LUZP2: variants seen among roughly 807,000 people sequenced by gnomAD.
LUZP2 encodes leucine zipper protein 2.
A neutral mutation model predicts 51.6 loss-of-function variants in LUZP2; 52 were observed. The observed-to-expected ratio is 1.01, with a 90% CI of 0.81 to 1.27. The LOEUF (loss-of-function observed/expected upper bound fraction) is 1.27, where lower values mean the gene tolerates loss of function less well. Among genes scored for constraint, LUZP2 ranks in the 50% most tolerant of loss-of-function variants. The probability of loss-of-function intolerance (pLI) is 0.00; values close to 1 mark genes in which losing one functional copy is unlikely to be tolerated. For synonymous variants in LUZP2, 154 were observed against 137.3 expected, an observed-to-expected ratio of 1.12 and a Z score of -0.85; for missense variants, 436 against 395.4, an observed-to-expected ratio of 1.10 and a Z score of -0.87.
At chr11:24,840,762 C>G (rs7946011) in intron 5 of LUZP2, among the ~76,000 whole-genome samples, 12 of 151,934 alleles carry the variant, frequency 7.9e-5, no homozygotes, top group African/African-American at 2.9e-4. Flanking sequence ...GAAAGCATGT[C>G]TCCATATTTA....
intron 7 of LUZP2, among the ~76,000 whole-genome samples, chr11:24,973,866 T>A (rs1331035813): frequency 6.6e-6 from 1 of 151,022 alleles, no homozygotes; most frequent in Non-Finnish European, 1.5e-5. Flanking sequence ...TGTGATCAAT[T>A]TTAGAGTAAG....
chr11:24,752,700 A>G (rs1043076475), intron 4 of LUZP2, among the ~76,000 whole-genome samples: 3 of 152,024 alleles, frequency 2.0e-5, no homozygotes, highest in Admixed American at 1.3e-4. Flanking sequence ...AACTCAATGC[A>G]GAAAAACTTG....
chr11:24,796,978 G>C (rs941100497), intron 5 of LUZP2, among the ~76,000 whole-genome samples: 2 of 152,054 alleles, frequency 1.3e-5, no homozygotes, highest in Non-Finnish European at 2.9e-5. Flanking sequence ...AGGGGTTCAG[G>C]CTTTCCAGTC....
intron 6 of LUZP2, among the ~76,000 whole-genome samples, chr11:24,908,762 T>C (rs1237923508): frequency 2.0e-5 from 3 of 149,300 alleles, no homozygotes; most frequent in Admixed American, 6.6e-5. Flanking sequence ...TTTTTTCTTT[T>C]TTTTTTTTTT....
chr11:24,847,998 A>G (rs566677804), intron 5 of LUZP2, among the ~76,000 whole-genome samples: 2 of 152,154 alleles, frequency 1.3e-5, no homozygotes, highest in Non-Finnish European at 2.9e-5. Flanking sequence ...ACATAGAATC[A>G]TTTAAGATCA....
chr11:24,887,701 C>T (rs1256948521), intron 5 of LUZP2, among the ~76,000 whole-genome samples: 3 of 152,298 alleles, frequency 2.0e-5, no homozygotes, highest in Non-Finnish European at 2.9e-5. Context: ...GAATTCGCTA[C>T]CTTCTAACTC....
At chr11:24,773,451 A>G (rs1330588972) in intron 5 of LUZP2, among the ~76,000 whole-genome samples, 3 of 152,186 alleles carry the variant, frequency 2.0e-5, no homozygotes, top group Non-Finnish European at 2.9e-5. Context: ...GTACATTCCT[A>G]GAGAGGTGTG....
At position 24,763,325 on chromosome 11, in the gene LUZP2, C is replaced by A. The variant is rs1194953955; in HGVS notation, c.396+17C>A. ...CAGAATGAGGTAAGATATATTTCAT[C>A]TTAGATACATTTTATATAGATCAAA... On this transcript the variant is annotated intron_variant, in intron 5 of 11. Coordinates refer to ENST00000336930, the MANE Select transcript of LUZP2 (RefSeq NM_001009909.4). 8.2e-7 allele frequency: 1 copy of A among 1,212,782 alleles called. No individual in the cohort carries two copies. The highest frequency in any genetic ancestry group is 1.1e-6 in the Non-Finnish European group (1 of 892,068). The allele number at this position is 1,212,782 out of a possible 1,614,324, so 75.1% of individuals were successfully genotyped here.
chr11:24,622,284 C>A (rs544540195), intron 1 of LUZP2, among the ~76,000 whole-genome samples: 6 of 151,514 alleles, frequency 4.0e-5, no homozygotes, highest in Non-Finnish European at 8.8e-5. Context: ...CCCTCTCCCC[C>A]CTCCCCACAA....
intron 1 of LUZP2, among the ~76,000 whole-genome samples, chr11:24,508,948 G>T (rs1299162761): frequency 6.6e-6 from 1 of 152,094 alleles, no homozygotes; most frequent in East Asian, 1.9e-4. Flanking sequence ...TCAAGGTCAG[G>T]ATCCTGAGAC....
intron 5 of LUZP2, among the ~76,000 whole-genome samples, chr11:24,808,862 A>C (rs1036787788): frequency 3.3e-5 from 5 of 152,186 alleles, no homozygotes; most frequent in African/African-American, 1.2e-4. Flanking sequence ...CTAAAATGAC[A>C]ATAGCTATAA....
intron 1 of LUZP2, among the ~76,000 whole-genome samples, chr11:24,666,978 T>C (rs1188534651): frequency 1.3e-5 from 2 of 152,178 alleles, no homozygotes; most frequent in Non-Finnish European, 2.9e-5. Flanking sequence ...ATTGTGTATG[T>C]CACCTAACCC....
At chr11:24,884,845 G>T (rs576022561) in intron 5 of LUZP2, among the ~76,000 whole-genome samples, 107 of 152,116 alleles carry the variant, frequency 7.0e-4, no homozygotes, top group Non-Finnish European at 1.4e-3. Context: ...GAAATGGGTT[G>T]TTTTTGCCCC....
chr11:24,944,481 G>A (rs1854847265), intron 7 of LUZP2, among the ~76,000 whole-genome samples: 1 of 152,180 alleles, frequency 6.6e-6, no homozygotes, highest in South Asian at 2.1e-4. Context: ...AATATGCAGA[G>A]AGAAAGAGAG....
intron 1 of LUZP2, among the ~76,000 whole-genome samples, chr11:24,691,501 C>G (rs1857065300): frequency 6.7e-6 from 1 of 150,212 alleles, no homozygotes; most frequent in South Asian, 2.1e-4. Flanking sequence ...AAAGTAACCC[C>G]TGTATTTCAA....
chr11:24,715,357 A>C (rs978671989), intron 1 of LUZP2, among the ~76,000 whole-genome samples: 7 of 151,492 alleles, frequency 4.6e-5, no homozygotes, highest in African/African-American at 1.7e-4. Context: ...ATTCATAGAG[A>C]AATTCATATT....
chr11:24,510,057 C>T (rs997215980), intron 1 of LUZP2, among the ~76,000 whole-genome samples: 6 of 152,084 alleles, frequency 3.9e-5, no homozygotes, highest in Non-Finnish European at 7.4e-5. Context: ...TCATAATAAC[C>T]TCATTTTATA....
chr11:24,735,629 G>T (rs1858908647), intron 3 of LUZP2, among the ~76,000 whole-genome samples: 1 of 151,922 alleles, frequency 6.6e-6, no homozygotes, highest in Non-Finnish European at 1.5e-5. Context: ...TTTTTGTAGA[G>T]TGATTAAGGT....
chr11:24,692,525 C>G (rs1486722740), intron 1 of LUZP2, among the ~76,000 whole-genome samples: 2 of 151,946 alleles, frequency 1.3e-5, no homozygotes, highest in East Asian at 1.9e-4. Context: ...AAAGTGGACA[C>G]TTTTTTGTTA....
Sources: gnomAD v4.1 joint callset for allele counts (sites outside exome capture counted in the v4.1 genomes callset) on GRCh38, gnomAD v4.1.1 for gene constraint, MANE v1.5 for transcripts, NCBI Gene and HGNC (gene_info 2026-07-23, HGNC 2026-07-21) for gene names.